Variants in MYO1B observed in about 807,000 individuals in gnomAD.
The protein encoded by MYO1B is myosin IB.
Under a neutral mutation model 159.7 loss-of-function variants are expected in MYO1B, and 72 were observed. The ratio of observed to expected loss-of-function variants is 0.45; its 90% CI spans 0.37 to 0.55. The LOEUF (loss-of-function observed/expected upper bound fraction) is 0.55, where lower values mean the gene tolerates loss of function less well. MYO1B is among the 20% of genes least tolerant of loss of function. The probability of loss-of-function intolerance (pLI) is 0.00; values close to 1 mark genes in which losing one functional copy is unlikely to be tolerated. For synonymous variants in MYO1B, 468 were observed against 473.8 expected (o/e 0.99, Z 0.16); for missense variants, 1,062 against 1,364.8 (o/e 0.78, Z 3.50).
At chr2:191,415,823 C>T (rs1697529127) in intron 29 of MYO1B, among the ~76,000 whole-genome samples, 2 of 152,140 alleles carry the variant, frequency 1.3e-5, no homozygotes, top group Admixed American at 6.5e-5. Context: ...TTCATATTCA[C>T]TGGGGCTGTG....
chr2:191,399,652 A>T (rs1696482063), intron 21 of MYO1B, among the ~76,000 whole-genome samples: 2 of 152,196 alleles, frequency 1.3e-5, no homozygotes, highest in African/African-American at 4.8e-5. Context: ...CAGAGGGTAG[A>T]CGCTGGGTCC....
intron 2 of MYO1B, among the ~76,000 whole-genome samples, chr2:191,277,705 A>G (rs2125745491): frequency 6.6e-6 from 1 of 152,366 alleles, no homozygotes; most frequent in Admixed American, 6.5e-5. Flanking sequence ...GTTTGCATAA[A>G]GCATCTGCAG....
intron 7 of MYO1B, among the ~76,000 whole-genome samples, chr2:191,357,752 G>T (rs1016789209): frequency 6.6e-6 from 1 of 152,170 alleles, no homozygotes; most frequent in South Asian, 2.1e-4. Context: ...ATAGTGAATT[G>T]AATTTATGTT....
At chr2:191,381,765 T>C (rs914923205) in intron 14 of MYO1B, among the ~76,000 whole-genome samples, 199 bp downstream of exon 14, 15 of 152,078 alleles carry the variant, frequency 9.9e-5, no homozygotes, top group Admixed American at 3.9e-4. Context: ...TGCCAGGAGA[T>C]AGGAGTTGTG....
chr2:191,315,157 G>GTCCA (rs5837229), intron 3 of MYO1B, among the ~76,000 whole-genome samples: 2,415 of 150,056 alleles, frequency 0.016, 32 homozygotes, highest in African/African-American at 0.04. Flanking sequence ...CCGTCCGTCC[G>GTCCA]TCCATCCATC....
chr2:191,246,921 CTG>C (rs1685827317), intron 1 of MYO1B, among the ~76,000 whole-genome samples: 1 of 152,174 alleles, frequency 6.6e-6, no homozygotes, highest in Non-Finnish European at 1.5e-5. Context: ...CTTTCACTCT[CTG>C]TGTGAGGATC....
At chr2:191,400,721 C>G in intron 22 of MYO1B, 28 bp from the exon 23 acceptor site, 2 of 1,611,524 alleles carry the variant, frequency 1.2e-6, no homozygotes, top group Non-Finnish European at 1.7e-6. Flanking sequence ...TTAAACTTTT[C>G]TGTAACTCCT....
intron 3 of MYO1B, among the ~76,000 whole-genome samples, chr2:191,325,790 A>G (rs969087250): frequency 2.0e-5 from 3 of 152,126 alleles, no homozygotes; most frequent in African/African-American, 7.2e-5. Flanking sequence ...AGGAACAAAA[A>G]TACCAGCTAG....
At chr2:191,414,216 C>A in intron 28 of MYO1B, 36 bp downstream of exon 28, 1 of 1,584,966 alleles carries the variant, frequency 6.3e-7, no homozygotes, top group African/African-American at 1.4e-5. Context: ...ATAAGAAGTA[C>A]CTATTAGTTG....
At chr2:191,364,412 A>G (rs1373227324) in intron 11 of MYO1B, 136 bp downstream of exon 11, 3 of 669,648 alleles carry the variant, frequency 4.5e-6, no homozygotes, top group Non-Finnish European at 7.7e-6. Flanking sequence ...ACAGAGCAGT[A>G]AACTAAACAG....
At chr2:191,355,748 T>G (rs1245514790) in intron 7 of MYO1B, among the ~76,000 whole-genome samples, 1 of 152,188 alleles carries the variant, frequency 6.6e-6, no homozygotes, top group Non-Finnish European at 1.5e-5. Context: ...AAAGTATTTT[T>G]TCTCGTCCTG....
At chr2:191,259,758 G>T (rs1686681787) in intron 1 of MYO1B, among the ~76,000 whole-genome samples, 1 of 152,148 alleles carries the variant, frequency 6.6e-6, no homozygotes, top group African/African-American at 2.4e-5. Context: ...GGTTGGTGGG[G>T]CAGAAAGAGT....
At chr2:191,380,643 CT>C (rs1373251356) in intron 13 of MYO1B, among the ~76,000 whole-genome samples, 7 of 152,308 alleles carry the variant, frequency 4.6e-5, no homozygotes, top group African/African-American at 1.2e-4. Flanking sequence ...CATAAAGCTT[CT>C]GTCAACAAAT....
At chr2:191,297,554 T>C (rs1210568819) in intron 3 of MYO1B, among the ~76,000 whole-genome samples, 2 of 152,182 alleles carry the variant, frequency 1.3e-5, no homozygotes, top group Non-Finnish European at 2.9e-5. Context: ...AAACAGATGA[T>C]ATGCTGAAAA....
intron 2 of MYO1B, among the ~76,000 whole-genome samples, chr2:191,280,619 C>G (rs573672166): frequency 6.6e-6 from 1 of 152,090 alleles, no homozygotes; most frequent in African/African-American, 2.4e-5. Context: ...GACTGTGGCC[C>G]GGAGATGGCA....
intron 9 of MYO1B, among the ~76,000 whole-genome samples, chr2:191,362,866 A>T (rs571467852): frequency 1.4e-4 from 22 of 152,352 alleles, no homozygotes; most frequent in African/African-American, 5.3e-4. Context: ...TACACTTGAC[A>T]TGATATGGTA....
At chr2:191,344,619 A>G (rs896922721) in intron 5 of MYO1B, among the ~76,000 whole-genome samples, 1 of 151,968 alleles carries the variant, frequency 6.6e-6, no homozygotes, top group African/African-American at 2.4e-5. Flanking sequence ...TCACGAGGTC[A>G]GGAGATCGAG....
intron 3 of MYO1B, among the ~76,000 whole-genome samples, chr2:191,310,914 G>C (rs575008798): frequency 6.6e-6 from 1 of 152,268 alleles, no homozygotes; most frequent in South Asian, 2.1e-4. Flanking sequence ...AATGATATAA[G>C]TGTAAACAGA....
chr2:191,387,241 A>G lies in MYO1B; in HGVS notation c.1572A>G (p.Glu524=). 1 of 1,614,076 alleles carries G rather than the reference A, an allele frequency of 6.2e-7. No individual in the cohort carries two copies. The highest frequency in any genetic ancestry group is 1.7e-5 in the Admixed American group (1 of 60,016). The change falls in exon 17 of 31, where the codon GAA becomes GAG. Residue 524 remains glutamate, a synonymous_variant. Transcript: ENST00000392318. ...HYAGKVLYQV[E]GFVDKNNDLL... is the part of the protein sequence containing the mutation. ...GCTTATAGGTGCTGTACCAGGTGGA[A>G]GGATTCGTTGACAAAAACAATGACC...
Sources: gnomAD v4.1 joint callset for allele counts (sites outside exome capture counted in the v4.1 genomes callset) on GRCh38, gnomAD v4.1.1 for gene constraint, MANE v1.5 for transcripts, NCBI Gene and HGNC (gene_info 2026-07-23, HGNC 2026-07-21) for gene names.